Variants in SLK observed in about 807,000 individuals in gnomAD.
SLK encodes the protein STE20-like serine/threonine-protein kinase.
SLK carries 67 observed loss-of-function variants against 147.7 expected under a neutral mutation model. That is an observed-to-expected ratio of 0.45 (90% confidence interval 0.37 to 0.56). The LOEUF is 0.56. Among genes scored for constraint, SLK ranks in the 20% least tolerant of loss-of-function variants. SLK has a pLI of 0.00. For missense variants in SLK, 1,136 were observed against 1,438.8 expected, an observed-to-expected ratio of 0.79 and a Z score of 3.41; for synonymous variants, 441 against 475.0, an observed-to-expected ratio of 0.93 and a Z score of 0.93.
chr10:104,022,805 GCCATGTTGGCCAGGC>G (rs1267535022), intron 18 of SLK, among the ~76,000 whole-genome samples: 1 of 152,094 alleles, frequency 6.6e-6, no homozygotes, highest in African/African-American at 2.4e-5. Flanking sequence ...ACGGGGCTTC[GCCATGTTGGCCAGGC>G]TGGTCTCAAA....
intron 1 of SLK, among the ~76,000 whole-genome samples, chr10:103,971,106 C>T (rs1360439812): frequency 7.2e-5 from 11 of 152,116 alleles, no homozygotes; most frequent in Admixed American, 7.2e-4. Flanking sequence ...CCACTCAGTC[C>T]AGCACTGTAC....
At chr10:103,977,732 G>A (rs902921039) in intron 1 of SLK, among the ~76,000 whole-genome samples, 12 of 152,120 alleles carry the variant, frequency 7.9e-5, no homozygotes, top group Admixed American at 6.5e-4. Context: ...TTTTGAATGG[G>A]ATAGTTCTTC....
At chr10:104,001,737 CTTTTT>C (rs1200086361) in intron 8 of SLK, among the ~76,000 whole-genome samples, 165 bp downstream of exon 8, 15 of 151,932 alleles carry the variant, frequency 9.9e-5, no homozygotes, top group Admixed American at 9.8e-4. Flanking sequence ...TTATATTTCC[CTTTTT>C]TTTGAGATGG....
chr10:103,973,500 C>G (rs1843821400), intron 1 of SLK, among the ~76,000 whole-genome samples: 1 of 152,138 alleles, frequency 6.6e-6, no homozygotes, highest in African/African-American at 2.4e-5. Flanking sequence ...TTCCAGTTAG[C>G]CTGGTTGAGT....
intron 1 of SLK, among the ~76,000 whole-genome samples, chr10:103,971,512 TC>T (rs1271746976): frequency 1.3e-5 from 2 of 152,358 alleles, no homozygotes; most frequent in Non-Finnish European, 2.9e-5. Context: ...CCTCAGGTGA[TC>T]CGCCTGCCTT....
At chr10:103,984,677 G>T (rs1276368657) in intron 1 of SLK, among the ~76,000 whole-genome samples, 1 of 152,166 alleles carries the variant, frequency 6.6e-6, no homozygotes, top group East Asian at 1.9e-4. Flanking sequence ...TCCTTCCAAA[G>T]TGCTGGGATT....
chr10:104,029,181 G>A lies in SLK; in HGVS notation c.*3461G>A, dbSNP rs1383886561. The stretch of plus-strand genomic sequence containing the variant: ...CCTCTTATCTACTTGAGAGCAACAT[G>A]TCTTTTCAATCATGGGATTGACACA... On this transcript the variant is annotated 3_prime_UTR_variant, in exon 19 of 19. Transcript: ENST00000369755. The A allele has an allele frequency of 1.3e-5, 2 of 152,158 alleles. No individual in the cohort carries two copies. Among genetic ancestry groups the A allele is most frequent in the African/African-American group, 4.8e-5 (2 of 41,440 alleles). 9.4% of individuals were successfully genotyped at this position (152,158 alleles called of 1,614,324 possible). A position where few individuals can be genotyped will look rare whatever the true frequency, so the allele number is the denominator to read the frequency against.
intron 3 of SLK, 32 bp from the exon 4 acceptor site, chr10:103,992,952 A>G (rs1014983480): frequency 3.0e-5 from 47 of 1,549,896 alleles, no homozygotes; most frequent in Non-Finnish European, 4.1e-5. Context: ...CTGTATAAAA[A>G]GCAGATTTTT....
At chr10:103,984,287 A>C (rs1273269236) in intron 1 of SLK, among the ~76,000 whole-genome samples, 1 of 152,234 alleles carries the variant, frequency 6.6e-6, no homozygotes, top group African/African-American at 2.4e-5. Context: ...ATAGGTAAAA[A>C]CATTAAAATA....
rs116320416 is a variant in SLK, at chr10:104,004,236, T to C, written c.2349+709T>C. On this transcript the variant is annotated intron_variant, in intron 9 of 18. Transcript: ENST00000369755. ...AAGAAAACTGACATAGATGGATCTC[T>C]AGGGCATGAGTGATTAGTCTGCCTA... Among the ~76,000 whole-genome samples the C allele has an allele frequency of 4.8e-3, 728 of 152,290 alleles. 3 individuals carry two copies. The highest frequency in any genetic ancestry group is 0.017 in the African/African-American group (700 of 41,566).
At chr10:103,999,449 G>T in intron 6 of SLK, 136 bp downstream of exon 6, 2 of 657,424 alleles carry the variant, frequency 3.0e-6, no homozygotes, top group African/African-American at 1.8e-5. Flanking sequence ...TTAGAAAAGT[G>T]ATTTTTGGTA....
In SLK at chr10:103,967,854, A is replaced by G; in HGVS notation, c.109A>G (p.Ile37Val). The G allele has an allele frequency of 6.2e-7, 1 of 1,613,912 alleles. No individual in the cohort carries two copies. Among genetic ancestry groups the G allele is most frequent in the Non-Finnish European group, 8.5e-7 (1 of 1,179,924 alleles). Residue 37 changes from isoleucine to valine, a missense_variant, in exon 1 of 19, where the codon ATA becomes GTA. This residue lies in a region of SLK where 126 missense variants were observed against 141.3 expected (regional missense o/e 0.89). Coordinates refer to ENST00000369755, the MANE Select transcript of SLK (RefSeq NM_014720.4). ...DLNPEDFWEI[I>V]GELGDGAFGK... ...GAACCCCGAAGACTTTTGGGAGATT[A>G]TAGGAGAACTGGGCGACGGAGCCTT...
chr10:103,977,418 C>G (rs1346505148), intron 1 of SLK, among the ~76,000 whole-genome samples: 2 of 152,062 alleles, frequency 1.3e-5, no homozygotes, highest in Non-Finnish European at 2.9e-5. Flanking sequence ...CAAGAACAGC[C>G]TGGGCAACAT....
intron 13 of SLK, 113 bp from the exon 14 acceptor site, chr10:104,018,047 T>A: frequency 1.3e-6 from 1 of 795,872 alleles, no homozygotes. Context: ...TCCAGCTAAC[T>A]TTGCAAACTT....
intron 4 of SLK, among the ~76,000 whole-genome samples, chr10:103,994,591 A>G (rs544821388): frequency 6.6e-6 from 1 of 152,324 alleles, no homozygotes; most frequent in African/African-American, 2.4e-5. Flanking sequence ...GGGCCAAAAA[A>G]AAACCTTATG....
chr10:103,971,902 C>T (rs947610054), intron 1 of SLK, among the ~76,000 whole-genome samples: 10 of 152,190 alleles, frequency 6.6e-5, no homozygotes, highest in African/African-American at 1.9e-4. Context: ...AATATCTTCT[C>T]TCTCCCTAAA....
intron 7 of SLK, among the ~76,000 whole-genome samples, chr10:104,000,530 C>A (rs1238759938): frequency 6.6e-6 from 1 of 152,002 alleles, no homozygotes; most frequent in African/African-American, 2.4e-5. Context: ...GCAAGTATAC[C>A]CCTGGAACAC....
chr10:104,023,034 G>T (rs1251453698), intron 18 of SLK, among the ~76,000 whole-genome samples: 3 of 152,214 alleles, frequency 2.0e-5, no homozygotes, highest in Non-Finnish European at 4.4e-5. Flanking sequence ...TTACCTACTT[G>T]CAGCCTAGCA....
intron 15 of SLK, among the ~76,000 whole-genome samples, chr10:104,019,372 T>TCAA (rs1400783719): frequency 1.3e-5 from 2 of 152,072 alleles, no homozygotes; most frequent in African/African-American, 4.8e-5. Context: ...ACTCCTGGGT[T>TCAA]CAAGGGATCC....
Sources: gnomAD v4.1 joint callset for allele counts (sites outside exome capture counted in the v4.1 genomes callset) on GRCh38, gnomAD v4.1.1 for gene constraint, gnomAD v4.1.1 regional missense constraint, MANE v1.5 for transcripts, NCBI Gene and HGNC (gene_info 2026-07-23, HGNC 2026-07-21) for gene names.